Variants in HABP4 observed in about 807,000 individuals in gnomAD.
The protein encoded by HABP4 is intracellular hyaluronan-binding protein 4.
Under a neutral mutation model 44.1 loss-of-function variants are expected in HABP4, and 32 were observed. That is an observed-to-expected ratio of 0.73 (90% CI 0.55 to 0.97). The LOEUF (loss-of-function observed/expected upper bound fraction) is 0.97, where lower values mean the gene tolerates loss of function less well. HABP4 is among the 50% of genes least tolerant of loss of function. The pLI is 0.00. For synonymous variants in HABP4, 216 were observed against 218.0 expected (o/e 0.99, Z 0.08); for missense variants, 503 against 561.9 (o/e 0.90, Z 1.06).
chr9:96,475,289 T>C (rs1021970126), intron 5 of HABP4, among the ~76,000 whole-genome samples: 17 of 148,676 alleles, frequency 1.1e-4, no homozygotes, highest in Admixed American at 9.5e-4. Flanking sequence ...GGCAGGAGAA[T>C]GGTGTGAACC....
rs1832264418 is a variant in HABP4, at chr9:96,450,966, G to A, written c.349+338G>A. 2.0e-5 allele frequency among the ~76,000 whole-genome samples: 3 copies of A among 152,216 alleles called. No individual in the cohort carries two copies. On this transcript the variant is annotated intron_variant, in intron 1 of 7. Transcript: ENST00000375249. This position sits in a 1 kb window ranked among gnomAD's most constrained non-coding sequence, Gnocchi z 4.8. ...CGCTACCCCGGGGCTCCCACATCCA[G>A]ACCTGGCGGGGACCTTCATCTTCCA...
At chr9:96,478,926 C>T (rs1832831209) in intron 5 of HABP4, among the ~76,000 whole-genome samples, 1 of 152,064 alleles carries the variant, frequency 6.6e-6, no homozygotes, top group South Asian at 2.1e-4. Flanking sequence ...TGTCTAGCTT[C>T]ATTGTGGTTT....
intron 2 of HABP4, among the ~76,000 whole-genome samples, chr9:96,464,636 G>A (rs1202772848): frequency 6.6e-6 from 1 of 152,192 alleles, no homozygotes; most frequent in Non-Finnish European, 1.5e-5. Context: ...GGCAGAAAAA[G>A]AGAAGCCAGA....
At chr9:96,478,558 C>G (rs1832823555) in intron 5 of HABP4, among the ~76,000 whole-genome samples, 1 of 152,100 alleles carries the variant, frequency 6.6e-6, no homozygotes, top group Non-Finnish European at 1.5e-5. Flanking sequence ...CTGCTGAACT[C>G]TTTTCCAACA....
chr9:96,484,568 C>T lies in HABP4; in HGVS notation c.934C>T (p.Arg312Trp), dbSNP rs761232090. Residue 312 changes from arginine to tryptophan, a missense_variant, in exon 6 of 8, where the codon CGG becomes TGG. By Grantham distance (101) the Arg-to-Trp change is moderately radical (BLOSUM62 -3). This residue lies in a region of HABP4 where 131 missense variants were observed against 189.8 expected (regional missense o/e 0.69). Transcript: ENST00000375249. ...QTRPKPEFNI[R>W]KPESTVPSKA... ...CAGACCAAAGCCTGAGTTTAACATC[C>T]GGAAACCAGAATCCACTGTTCCTTC... 7 of 1,596,656 alleles carry T rather than the reference C, an allele frequency of 4.4e-6. No homozygotes were observed. Among genetic ancestry groups the T allele is most frequent in the South Asian group, 1.1e-5 (1 of 90,740 alleles).
At chr9:96,469,969 G>A (rs184135649) in intron 4 of HABP4, among the ~76,000 whole-genome samples, 382 of 151,990 alleles carry the variant, frequency 2.5e-3, no homozygotes, top group Non-Finnish European at 4.0e-3. Context: ...AACATAGGAG[G>A]ACATCTATGA....
chr9:96,473,337 T>G (rs969227757), intron 5 of HABP4, among the ~76,000 whole-genome samples: 1 of 152,172 alleles, frequency 6.6e-6, no homozygotes, highest in African/African-American at 2.4e-5. Context: ...ACCAGAAACC[T>G]ACGAGTCATC....
chr9:96,452,273 A>AGT (rs962718590), intron 1 of HABP4, among the ~76,000 whole-genome samples: 2 of 151,910 alleles, frequency 1.3e-5, no homozygotes, highest in Non-Finnish European at 2.9e-5. Flanking sequence ...ACGTGAGACG[A>AGT]GTTAGTGCTG....
intron 4 of HABP4, among the ~76,000 whole-genome samples, chr9:96,469,272 A>G (rs562884873): frequency 1.1e-4 from 17 of 152,332 alleles, no homozygotes; most frequent in Admixed American, 3.3e-4. Context: ...CTGCCTTTCA[A>G]CTTTTATTGT....
In HABP4 at chr9:96,489,567, C is replaced by A. The variant is rs562502115; in HGVS notation, c.1186-415C>A. ...GTGCCACCAAATTGCACTGGATGGC[C>A]CTCCTGTGGCCCCTCCTTCCCAGGA... On this transcript the variant is annotated intron_variant, in intron 7 of 7. Transcript: ENST00000375249. Among the ~76,000 whole-genome samples, 8 of 152,344 alleles carry A rather than the reference C, an allele frequency of 5.3e-5. No homozygotes were observed. In the East Asian group the frequency reaches 9.6e-4, roughly 18 times the overall value.
At chr9:96,482,102 A>AT (rs34500245) in intron 5 of HABP4, among the ~76,000 whole-genome samples, 8 of 151,602 alleles carry the variant, frequency 5.3e-5, no homozygotes, top group Non-Finnish European at 1.2e-4. Context: ...CACCCGGCTA[A>AT]TTTTTCTGGT....
chr9:96,450,602 GCC>G lies in HABP4; in HGVS notation c.326_327del (p.Pro109ArgfsTer14). 7.8e-7 allele frequency: 1 copy of G among 1,274,668 alleles called. No individual in the cohort carries two copies. Among genetic ancestry groups the G allele is most frequent in the South Asian group, 2.6e-5 (1 of 37,828 alleles). The allele number at this position is 1,274,668 out of a possible 1,614,324, so 79.0% of individuals were successfully genotyped here. On this transcript the variant is annotated frameshift_variant, in exon 1 of 8. Transcript: ENST00000375249. LOFTEE classifies it high-confidence loss of function. This position sits in a 1 kb window ranked among gnomAD's most constrained non-coding sequence, Gnocchi z 4.8. ...GCGCCCGTCGCTCAGCGGCCCGATA[GCC>G]CCGGGGGCGGCCTGCAGGCGCCGGG...
chr9:96,458,851 A>G (rs1444750122), intron 2 of HABP4, among the ~76,000 whole-genome samples: 1 of 151,862 alleles, frequency 6.6e-6, no homozygotes, highest in East Asian at 1.9e-4. Flanking sequence ...TGAACTCCCA[A>G]CCTCAGGTGA....
chr9:96,464,123 G>A (rs958362178), intron 2 of HABP4, among the ~76,000 whole-genome samples: 4 of 152,164 alleles, frequency 2.6e-5, no homozygotes, highest in Non-Finnish European at 5.9e-5. Context: ...AGAAGAGGGA[G>A]GAGTGGCTTG....
At chr9:96,467,076 C>A (rs980804813) in intron 4 of HABP4, among the ~76,000 whole-genome samples, 4 of 151,982 alleles carry the variant, frequency 2.6e-5, no homozygotes, top group African/African-American at 9.7e-5. Context: ...GTGCACGCCA[C>A]CATGCCTGGC....
At chr9:96,485,249 C>T (rs1832952258) in intron 6 of HABP4, among the ~76,000 whole-genome samples, 1 of 152,176 alleles carries the variant, frequency 6.6e-6, no homozygotes, top group African/African-American at 2.4e-5. Context: ...CGGGGCTTTT[C>T]CATGTTGGTC....
intron 1 of HABP4, among the ~76,000 whole-genome samples, chr9:96,451,811 G>T (rs1266995793): frequency 6.6e-6 from 1 of 152,188 alleles, no homozygotes; most frequent in Non-Finnish European, 1.5e-5. Context: ...TATCTAAACA[G>T]TGAGACTGGA....
intron 5 of HABP4, among the ~76,000 whole-genome samples, chr9:96,481,107 AAG>A (rs1832869898): frequency 6.6e-6 from 1 of 152,006 alleles, no homozygotes; most frequent in African/African-American, 2.4e-5. Flanking sequence ...GTTTTGGAGA[AAG>A]AGTCTTGTTC....
intron 5 of HABP4, among the ~76,000 whole-genome samples, chr9:96,473,657 C>T (rs149846536): frequency 1.3e-5 from 2 of 152,314 alleles, no homozygotes; most frequent in East Asian, 3.9e-4. Context: ...GCAAAACCCT[C>T]AAGTTCAGAC....
Sources: gnomAD v4.1 joint callset for allele counts (sites outside exome capture counted in the v4.1 genomes callset) on GRCh38, gnomAD v4.1.1 for gene constraint, gnomAD v4.1.1 regional missense constraint, Gnocchi (gnomAD v3.1) non-coding constraint, MANE v1.5 for transcripts, NCBI Gene and HGNC (gene_info 2026-07-23, HGNC 2026-07-21) for gene names.